Variants in MIPEP observed in about 807,000 individuals in gnomAD.
MIPEP encodes the protein mitochondrial intermediate peptidase.
MIPEP carries 79 observed loss-of-function variants against 90.3 expected under a neutral mutation model. The ratio of observed to expected loss-of-function variants is 0.87; its 90% CI spans 0.73 to 1.05. MIPEP has a LOEUF of 1.05. MIPEP is among the 50% of genes least tolerant of loss of function. The pLI, the probability that MIPEP is intolerant of heterozygous loss-of-function variation, is 0.00. For synonymous variants in MIPEP, 334 were observed against 315.8 expected, an observed-to-expected ratio of 1.06 and a Z score of -0.61; for missense variants, 940 against 905.6, an observed-to-expected ratio of 1.04 and a Z score of -0.49.
At chr13:23,847,631 T>A (rs959507312) in intron 10 of MIPEP, among the ~76,000 whole-genome samples, 6 of 151,968 alleles carry the variant, frequency 3.9e-5, no homozygotes, top group African/African-American at 1.5e-4. Flanking sequence ...AGAGGAGGCA[T>A]CAGGAGAGAG....
intron 14 of MIPEP, among the ~76,000 whole-genome samples, chr13:23,822,641 C>T (rs985810383): frequency 2.0e-5 from 3 of 152,198 alleles, no homozygotes; most frequent in African/African-American, 7.2e-5. Context: ...CCCAAACACA[C>T]AGCTGTGCAA....
At chr13:23,794,388 T>C (rs1410967794) in intron 16 of MIPEP, among the ~76,000 whole-genome samples, 1 of 152,192 alleles carries the variant, frequency 6.6e-6, no homozygotes, top group Non-Finnish European at 1.5e-5. Context: ...TTCCTCATAT[T>C]GCTAACGCTG....
chr13:23,732,452 G>T (rs1309772492), intron 18 of MIPEP, among the ~76,000 whole-genome samples: 1 of 152,128 alleles, frequency 6.6e-6, no homozygotes, highest in Non-Finnish European at 1.5e-5. Context: ...TTATCCAAGA[G>T]AAATGAAAGC....
intron 16 of MIPEP, among the ~76,000 whole-genome samples, chr13:23,795,347 T>A (rs1338149485): frequency 1.3e-5 from 2 of 152,236 alleles, no homozygotes; most frequent in Non-Finnish European, 2.9e-5. Context: ...TGTTTATACA[T>A]TTAAAAACAG....
At chr13:23,832,705 A>G (rs1052658684) in intron 14 of MIPEP, among the ~76,000 whole-genome samples, 1 of 152,184 alleles carries the variant, frequency 6.6e-6, no homozygotes, top group Non-Finnish European at 1.5e-5. Context: ...AAATTGAAGG[A>G]GATTTATGGG....
intron 4 of MIPEP, among the ~76,000 whole-genome samples, chr13:23,875,876 T>C (rs928394300): frequency 5.3e-5 from 8 of 152,214 alleles, no homozygotes; most frequent in Admixed American, 3.3e-4. Context: ...CAACTGTATA[T>C]ACTTTTGTAT....
intron 16 of MIPEP, among the ~76,000 whole-genome samples, chr13:23,805,412 G>A (rs917801680): frequency 9.2e-5 from 14 of 152,250 alleles, no homozygotes; most frequent in African/African-American, 2.9e-4. Context: ...AATTTATAAG[G>A]TTATTTTGAG....
chr13:23,786,856 C>T (rs1288730674), intron 16 of MIPEP, among the ~76,000 whole-genome samples: 1 of 152,152 alleles, frequency 6.6e-6, no homozygotes, highest in Non-Finnish European at 1.5e-5. Context: ...CTGTTACGGA[C>T]TTATTTTAAG....
chr13:23,856,792 C>A (rs182185652), intron 10 of MIPEP, among the ~76,000 whole-genome samples: 8 of 152,136 alleles, frequency 5.3e-5, no homozygotes, highest in Non-Finnish European at 8.8e-5. Flanking sequence ...ACCATTTGGG[C>A]ATGCTATATT....
chr13:23,809,732 A>C, intron 15 of MIPEP, 118 bp downstream of exon 15: 1 of 664,922 alleles, frequency 1.5e-6, no homozygotes, highest in Non-Finnish European at 2.5e-6. Context: ...ACTCAGATGA[A>C]AGATGTTTTA....
At position 23,772,308 on chromosome 13, in the gene MIPEP, AT is replaced by A. The variant is rs35077795; in HGVS notation, c.1849-12092del. On this transcript the variant is annotated intron_variant, in intron 16 of 18. Coordinates refer to ENST00000382172, the MANE Select transcript of MIPEP (RefSeq NM_005932.4). ...ATTCCTGATGCAAGAGTTTTTAGCA[AT>A]TTTTTTTTAACAACAACAACAAAAA... Among the ~76,000 whole-genome samples the A allele has an allele frequency of 1.1e-4, 17 of 151,490 alleles. 1 individual carries two copies. Among genetic ancestry groups the A allele is most frequent in the African/African-American group, 3.4e-4 (14 of 41,346 alleles).
At chr13:23,774,005 G>C (rs1210487425) in intron 16 of MIPEP, among the ~76,000 whole-genome samples, 1 of 152,106 alleles carries the variant, frequency 6.6e-6, no homozygotes, top group Non-Finnish European at 1.5e-5. Flanking sequence ...CCTAATCCAA[G>C]GTCATAAATG....
At chr13:23,762,128 AAAT>A (rs1952552637) in intron 16 of MIPEP, among the ~76,000 whole-genome samples, 1 of 152,166 alleles carries the variant, frequency 6.6e-6, no homozygotes, top group Non-Finnish European at 1.5e-5. Context: ...CTGTCTCAAA[AAAT>A]AATAATAATT....
intron 14 of MIPEP, among the ~76,000 whole-genome samples, chr13:23,814,952 T>G (rs1212554864): frequency 6.6e-6 from 1 of 152,226 alleles, no homozygotes; most frequent in South Asian, 2.1e-4. Context: ...GGCATGGATG[T>G]TGGGCAACTT....
intron 14 of MIPEP, among the ~76,000 whole-genome samples, chr13:23,834,370 C>T (rs947542255): frequency 6.6e-6 from 1 of 152,204 alleles, no homozygotes; most frequent in Non-Finnish European, 1.5e-5. Flanking sequence ...CTCCCAGCTC[C>T]TGGCCAGGCC....
At chr13:23,763,562 C>T (rs1182330227) in intron 16 of MIPEP, among the ~76,000 whole-genome samples, 2 of 150,680 alleles carry the variant, frequency 1.3e-5, no homozygotes, top group African/African-American at 4.9e-5. Flanking sequence ...GGCATTTGAT[C>T]TGAGCTAAGA....
chr13:23,829,373 G>C (rs1176908584), intron 14 of MIPEP, among the ~76,000 whole-genome samples: 1 of 151,696 alleles, frequency 6.6e-6, no homozygotes, highest in Non-Finnish European at 1.5e-5. Flanking sequence ...AAATTGGCTG[G>C]GCATGGTGGC....
intron 7 of MIPEP, among the ~76,000 whole-genome samples, chr13:23,864,413 C>G (rs191640718): frequency 7.2e-5 from 11 of 152,128 alleles, no homozygotes; most frequent in African/African-American, 2.2e-4. Context: ...TACTAATAAT[C>G]CACAGCGTCA....
At chr13:23,749,287 T>C (rs1952415171) in intron 18 of MIPEP, among the ~76,000 whole-genome samples, 1 of 152,216 alleles carries the variant, frequency 6.6e-6, no homozygotes, top group African/African-American at 2.4e-5. Flanking sequence ...GTGATGTTTG[T>C]ATTGTGCAAA....
Sources: allele counts gnomAD v4.1 joint callset (sites outside exome capture counted in the v4.1 genomes callset), GRCh38; gene constraint gnomAD v4.1.1; transcripts MANE v1.5; gene names NCBI Gene and HGNC (gene_info 2026-07-23, HGNC 2026-07-21).